The following ITPR2 variants were observed in gnomAD, a reference collection of about 807,000 sequenced individuals.
ITPR2 encodes inositol 1,4,5-trisphosphate receptor type 2, also known as inositol 1,4,5-trisphosphate-gated calcium channel ITPR2.
A neutral mutation model predicts 317.1 loss-of-function variants in ITPR2; 207 were observed. The observed-to-expected ratio is 0.65, with a 90% CI of 0.58 to 0.73. The LOEUF (loss-of-function observed/expected upper bound fraction) is 0.73, where lower values mean the gene tolerates loss of function less well. Ranked by LOEUF, ITPR2 falls within the 30% of genes least tolerant of loss-of-function variation. The pLI, the probability that ITPR2 is intolerant of heterozygous loss-of-function variation, is 0.00. For synonymous variants in ITPR2, 1,156 were observed against 1,149.1 expected (o/e 1.01, Z -0.12); for missense variants, 2,613 against 3,284.0 (o/e 0.80, Z 4.99).
At chr12:26,552,364 A>G (rs192390339) in intron 36 of ITPR2, among the ~76,000 whole-genome samples, 150 of 152,070 alleles carry the variant, frequency 9.9e-4, no homozygotes, top group Non-Finnish European at 1.6e-3. Context: ...AAATTTTTTT[A>G]CTTTTTGCAG....
At chr12:26,665,793 C>T (rs1947612619) in intron 14 of ITPR2, 117 bp downstream of exon 14, 2 of 879,370 alleles carry the variant, frequency 2.3e-6, no homozygotes, top group Non-Finnish European at 3.5e-6. Flanking sequence ...ATCTTGTTTT[C>T]AGCCACTAAG....
At chr12:26,526,887 C>T (rs1943822425) in intron 37 of ITPR2, among the ~76,000 whole-genome samples, 1 of 152,134 alleles carries the variant, frequency 6.6e-6, no homozygotes, top group African/African-American at 2.4e-5. Flanking sequence ...TGGTGAGCAG[C>T]TTGGTGGATG....
intron 52 of ITPR2, chr12:26,400,696 C>A (rs1940147582): frequency 6.6e-6 from 1 of 152,346 alleles, no homozygotes; most frequent in Non-Finnish European, 1.5e-5. Flanking sequence ...ACATAAGGCT[C>A]ACATTCGTTG....
intron 55 of ITPR2, among the ~76,000 whole-genome samples, chr12:26,358,927 T>A (rs530538511): frequency 6.6e-6 from 1 of 152,210 alleles, no homozygotes. Context: ...ACTTACTCCA[T>A]AGAGGGCTCT....
At position 26,469,642 on chromosome 12, in the gene ITPR2, C is replaced by T. The variant is rs142192661; in HGVS notation, c.6342+5654G>A. Among the ~76,000 whole-genome samples the T allele has an allele frequency of 3.3e-5, 5 of 152,220 alleles. No homozygotes were observed. In the East Asian group the frequency reaches 9.6e-4, roughly 29 times the overall value. On this transcript the variant is annotated intron_variant, in intron 45 of 56. Transcript: ENST00000381340. ...CTCTTCATTGCTCCCAGCCAGAATG[C>T]AAATTCCCTGAGAGCTGATCTGTTG...
intron 2 of ITPR2, among the ~76,000 whole-genome samples, chr12:26,770,711 G>C (rs11615177): frequency 6.6e-6 from 1 of 152,042 alleles, no homozygotes; most frequent in African/African-American, 2.4e-5. Flanking sequence ...TTAGGTTGGC[G>C]CATGGCCAGC....
chr12:26,392,373 G>A (rs1939878028), intron 54 of ITPR2, among the ~76,000 whole-genome samples: 1 of 152,062 alleles, frequency 6.6e-6, no homozygotes, highest in African/African-American at 2.4e-5. Flanking sequence ...AATACACCAA[G>A]ACACCTTCAT....
chr12:26,602,737 C>T (rs781265414), intron 26 of ITPR2, 31 bp from the exon 27 acceptor site: 6 of 1,189,054 alleles, frequency 5.0e-6, no homozygotes, highest in Non-Finnish European at 7.3e-6. Flanking sequence ...TACTTTTATG[C>T]CATTTGTAGC....
At chr12:26,348,805 T>C (rs938279419) in intron 55 of ITPR2, among the ~76,000 whole-genome samples, 2 of 152,142 alleles carry the variant, frequency 1.3e-5, no homozygotes, top group South Asian at 2.1e-4. Flanking sequence ...TTGGTCAACA[T>C]AGCAAGACCT....
chr12:26,657,660 A>G (rs1325892524), intron 18 of ITPR2, 47 bp downstream of exon 18: 1 of 1,529,592 alleles, frequency 6.5e-7, no homozygotes, highest in African/African-American at 1.4e-5. Flanking sequence ...GTTCTCAATT[A>G]ATATGTGAGA....
intron 32 of ITPR2, among the ~76,000 whole-genome samples, chr12:26,584,055 C>A (rs1174295071): frequency 6.6e-6 from 1 of 152,162 alleles, no homozygotes; most frequent in South Asian, 2.1e-4. Flanking sequence ...CTCTATTAGA[C>A]CCTTTCTCCC....
At chr12:26,364,739 ATTTATCTTG>A (rs2136586021) in intron 55 of ITPR2, among the ~76,000 whole-genome samples, 1 of 152,304 alleles carries the variant, frequency 6.6e-6, no homozygotes, top group African/African-American at 2.4e-5. Flanking sequence ...TTGAAAATCA[ATTTATCTTG>A]TTAAATCAAT....
At chr12:26,818,184 T>C (rs981833854) in intron 1 of ITPR2, among the ~76,000 whole-genome samples, 1 of 152,250 alleles carries the variant, frequency 6.6e-6, no homozygotes, top group African/African-American at 2.4e-5. Flanking sequence ...CAAATATTGA[T>C]CTAATCTTTA....
At chr12:26,604,438 C>G (rs1366279995) in intron 26 of ITPR2, among the ~76,000 whole-genome samples, 1 of 152,152 alleles carries the variant, frequency 6.6e-6, no homozygotes, top group Non-Finnish European at 1.5e-5. Context: ...TCTCCAAGAA[C>G]AAAATTTTTG....
At chr12:26,541,525 TTCTC>T (rs1944261531) in intron 37 of ITPR2, among the ~76,000 whole-genome samples, 2 of 152,326 alleles carry the variant, frequency 1.3e-5, no homozygotes, top group South Asian at 4.1e-4. Flanking sequence ...TAAAATGTGT[TTCTC>T]TCAGCAAAAG....
intron 41 of ITPR2, among the ~76,000 whole-genome samples, chr12:26,484,144 T>A (rs1942607568): frequency 6.6e-6 from 1 of 150,990 alleles, no homozygotes; most frequent in Non-Finnish European, 1.5e-5. Flanking sequence ...TATGTGTGTA[T>A]ATATGTATAT....
rs569613851 is a variant in ITPR2, at chr12:26,716,275, C to A, written c.526-33G>T. On this transcript the variant is annotated intron_variant, in intron 5 of 56. Coordinates refer to ENST00000381340, the MANE Select transcript of ITPR2 (RefSeq NM_002223.4). ...GCAGAAATAAATCACAATTGAGACA[C>A]TGCATGGATCTTTGGTGCTATATTC... 3 of 1,342,712 alleles carry A rather than the reference C, an allele frequency of 2.2e-6. 1 individual carries two copies. The South Asian group carries it at 3.5e-5, about 16-fold the overall frequency. The allele number at this position is 1,342,712 out of a possible 1,614,324, so 83.2% of individuals were successfully genotyped here. A position where few individuals can be genotyped will look rare whatever the true frequency, so the allele number is the denominator to read the frequency against.
intron 37 of ITPR2, among the ~76,000 whole-genome samples, chr12:26,516,265 AGGAAAGGAAGGGAAG>A (rs1943497822): frequency 2.0e-4 from 7 of 34,448 alleles, no homozygotes; most frequent in Non-Finnish European, 2.7e-4. Flanking sequence ...AGGAAAGGAA[AGGAAAGGAAGGGAAG>A]GGAAGGGAAA....
chr12:26,500,448 T>C (rs549021486), intron 37 of ITPR2, among the ~76,000 whole-genome samples: 14 of 152,290 alleles, frequency 9.2e-5, no homozygotes, highest in Middle Eastern at 3.4e-3. Flanking sequence ...CCATGGAAGG[T>C]CTCTTTGCTG....
Sources: allele counts gnomAD v4.1 joint callset (sites outside exome capture counted in the v4.1 genomes callset), GRCh38; gene constraint gnomAD v4.1.1; transcripts MANE v1.5; gene names NCBI Gene and HGNC (gene_info 2026-07-23, HGNC 2026-07-21).